The following ZNF75D variants were observed in gnomAD, a reference collection of about 807,000 sequenced individuals.
ZNF75D encodes the protein zinc finger protein 75.
ZNF75D carries 33 observed loss-of-function variants against 33.3 expected under a neutral mutation model. The observed-to-expected ratio is 0.99, with a 90% confidence interval of 0.75 to 1.32. ZNF75D has a LOEUF of 1.32. Among genes scored for constraint, ZNF75D ranks in the 40% most tolerant of loss-of-function variants. The probability of loss-of-function intolerance (pLI) is 0.00; values close to 1 mark genes in which losing one functional copy is unlikely to be tolerated. For missense variants in ZNF75D, 338 were observed against 367.5 expected, an observed-to-expected ratio of 0.92 and a Z score of 0.66; for synonymous variants, 113 against 130.6, an observed-to-expected ratio of 0.87 and a Z score of 0.92.
At chrX:135,330,489 G>T (rs1356170658) in intron 1 of ZNF75D, 2 of 111,953 alleles carry the variant, frequency 1.8e-5, no homozygotes, top group African/African-American at 3.3e-5. Context: ...GAAGGCAGAT[G>T]AATACTTAAA....
intron 1 of ZNF75D, among the ~76,000 whole-genome samples, chrX:135,256,392 G>C (rs1166026931): frequency 2.7e-5 from 3 of 109,835 alleles, no homozygotes; most frequent in Non-Finnish European, 5.7e-5. Flanking sequence ...AATCCATGCA[G>C]GGTGCAGCCA....
At chrX:135,274,736 A>C (rs2083893754) in intron 1 of ZNF75D, among the ~76,000 whole-genome samples, 1 of 112,560 alleles carries the variant, frequency 8.9e-6, no homozygotes, top group Non-Finnish European at 1.9e-5. Flanking sequence ...TATTTTAGGC[A>C]AACGTGTAAA....
At chrX:135,279,858 T>C (rs1324363785) in intron 1 of ZNF75D, among the ~76,000 whole-genome samples, 2 of 111,634 alleles carry the variant, frequency 1.8e-5, no homozygotes, top group Non-Finnish European at 3.8e-5. Flanking sequence ...GAGACTGTTA[T>C]GATTTCCATT....
rs371378374 is a variant in ZNF75D at position 135,287,172 on chromosome X, T to C, written c.1498A>G (p.Arg500Gly). 4 of 1,209,737 alleles carry C rather than the reference T, an allele frequency of 3.3e-6. No individual in the cohort carries two copies. Among genetic ancestry groups the C allele is most frequent in the East Asian group, 3.0e-5 (1 of 33,846 alleles). The change falls in exon 7 of 7, where the codon AGA becomes GGA. Residue 500 changes from arginine (R) to glycine (G), a missense_variant. By Grantham distance (125) the Arg-to-Gly change is moderately radical (BLOSUM62 -2). Coordinates refer to ENST00000370766, the MANE Select transcript of ZNF75D (RefSeq NM_007131.5). ...GACACTAGACATGCTTCCCTTCTTC[T>C]GTGGAGTTTCTGGTGTCTAAGAAGG... The part of the protein sequence containing the change: ...SSLLRHQKLH[R>G]RREACLVSPN
chrX:135,334,352 G>T (rs2084684755), intron 1 of ZNF75D, among the ~76,000 whole-genome samples: 1 of 111,540 alleles, frequency 9.0e-6, no homozygotes. Context: ...GATGCCTCCA[G>T]GCCTCTGGTT....
intron 1 of ZNF75D, among the ~76,000 whole-genome samples, chrX:135,309,038 T>C (rs182695737): frequency 5.3e-5 from 6 of 112,385 alleles, no homozygotes; most frequent in Non-Finnish European, 7.5e-5. Flanking sequence ...CTCAACTTGC[T>C]GCACAAAATG....
chrX:135,310,074 T>G (rs1602631540), intron 1 of ZNF75D, among the ~76,000 whole-genome samples: 1 of 112,283 alleles, frequency 8.9e-6, no homozygotes, highest in East Asian at 2.8e-4. Context: ...ATGCCTGTCC[T>G]AATGAAAAGA....
intron 1 of ZNF75D, among the ~76,000 whole-genome samples, chrX:135,335,258 C>G (rs782277151): frequency 1.8e-5 from 2 of 111,074 alleles, no homozygotes; most frequent in Non-Finnish European, 3.8e-5. Flanking sequence ...CTTGTTATAT[C>G]TGAGAAGGTT....
At chrX:135,260,136 G>T (rs1257318374) in intron 1 of ZNF75D, among the ~76,000 whole-genome samples, 1 of 112,113 alleles carries the variant, frequency 8.9e-6, no homozygotes, top group Non-Finnish European at 1.9e-5. Flanking sequence ...GCATCCCAGG[G>T]ATGAAGCCCA....
chrX:135,312,026 T>A (rs2084364266), intron 1 of ZNF75D, among the ~76,000 whole-genome samples: 1 of 111,895 alleles, frequency 8.9e-6, no homozygotes, highest in African/African-American at 3.3e-5. Context: ...CCAGCTATTT[T>A]GGAATCCATA....
chrX:135,267,035 A>G (rs73574650), intron 1 of ZNF75D, among the ~76,000 whole-genome samples: 222 of 112,079 alleles, frequency 2.0e-3, no homozygotes, highest in African/African-American at 6.8e-3. Flanking sequence ...ATGAAAGAAT[A>G]AAGAAGGAAA....
At chrX:135,265,371 C>T (rs1430179561) in intron 1 of ZNF75D, among the ~76,000 whole-genome samples, 1 of 111,441 alleles carries the variant, frequency 9.0e-6, no homozygotes, top group Non-Finnish European at 1.9e-5. Context: ...GAACACCAAG[C>T]AGGTTTAACC....
In ZNF75D at chrX:135,286,102, A is replaced by G. The variant is rs2083947350; in HGVS notation, c.*1035T>C. 8.9e-6 allele frequency: 1 copy of G among 112,345 alleles called. No individual in the cohort carries two copies. The allele number at this position is 112,345 out of a possible 1,213,427, so 9.3% of individuals were successfully genotyped here. Reference sequence around the variant, plus strand: ...GAGCCATATGCCTTACTTTTCTCTGACACTTCAGGATGTTCCCTCCTGGTA... The same window carrying G: ...GAGCCATATGCCTTACTTTTCTCTGGCACTTCAGGATGTTCCCTCCTGGTA... On this transcript the variant is annotated 3_prime_UTR_variant, in exon 7 of 7. Transcript: ENST00000370766.
At chrX:135,279,744 A>C (rs958073335) in intron 1 of ZNF75D, among the ~76,000 whole-genome samples, 2 of 111,745 alleles carry the variant, frequency 1.8e-5, no homozygotes, top group African/African-American at 3.3e-5. Flanking sequence ...TTTGTTATTT[A>C]CTCACTAGTC....
downstream of ZNF75D, among the ~76,000 whole-genome samples, chrX:135,283,854 A>G (rs2083929906): frequency 9.0e-6 from 1 of 111,685 alleles, no homozygotes; most frequent in South Asian, 3.8e-4. Flanking sequence ...TGGAGACCTG[A>G]GTCTGGCACA....
intron 1 of ZNF75D, among the ~76,000 whole-genome samples, chrX:135,273,299 T>C (rs1279530445): frequency 3.6e-5 from 4 of 111,419 alleles, no homozygotes; most frequent in Non-Finnish European, 7.5e-5. Flanking sequence ...TTGGTTGTGG[T>C]CTCTGATCCC....
intron 1 of ZNF75D, among the ~76,000 whole-genome samples, chrX:135,316,946 T>C (rs1168943422): frequency 9.9e-5 from 11 of 111,188 alleles, no homozygotes; most frequent in Non-Finnish European, 1.9e-4. Flanking sequence ...TTTGAATTAT[T>C]TTTCCAGGAT....
chrX:135,328,635 C>G (rs1388283036), intron 1 of ZNF75D, among the ~76,000 whole-genome samples: 1 of 111,876 alleles, frequency 8.9e-6, no homozygotes, highest in Non-Finnish European at 1.9e-5. Context: ...CTTCTCATTA[C>G]TGTATTACTG....
At position 135,292,323 on chromosome X, in the gene ZNF75D, C is replaced by A; in HGVS notation, c.562G>T (p.Gly188Cys). The stretch of plus-strand genomic sequence containing the variant: ...TGGGTTTCTTTGTGAGTGTTCCAGC[C>A]CAGCTGTTCTTGTAGTACCCGGTAT... Reference protein sequence around the residue: ...NTYRVLQEQLGWNTHKETQPV... With the variant: ...NTYRVLQEQLCWNTHKETQPV... Residue 188 changes from glycine to cysteine, a missense_variant, in exon 4 of 7, where the codon GGC becomes TGC. Coordinates refer to ENST00000370766, the MANE Select transcript of ZNF75D (RefSeq NM_007131.5). 1 of 1,211,310 alleles carries A rather than the reference C, an allele frequency of 8.3e-7. No individual in the cohort carries two copies. Among genetic ancestry groups the A allele is most frequent in the Non-Finnish European group, 1.1e-6 (1 of 895,334 alleles).
Sources: gnomAD v4.1 joint callset for allele counts (sites outside exome capture counted in the v4.1 genomes callset) on GRCh38, gnomAD v4.1.1 for gene constraint, MANE v1.5 for transcripts, NCBI Gene and HGNC (gene_info 2026-07-23, HGNC 2026-07-21) for gene names.